The following SLC3A1 variants were observed in gnomAD, a reference collection of about 807,000 sequenced individuals.
SLC3A1 encodes amino acid transporter heavy chain SLC3A1.
SLC3A1 carries 78 observed loss-of-function variants against 60.3 expected under a neutral mutation model. The observed-to-expected ratio is 1.29, with a 90% CI of 1.08 to 1.56. The LOEUF is 1.56. SLC3A1 is among the 40% of genes most tolerant of loss of function. SLC3A1 has a pLI of 0.00. For missense variants in SLC3A1, 1,172 were observed against 858.9 expected (o/e 1.36, Z -4.56); for synonymous variants, 392 against 307.9 (o/e 1.27, Z -2.86).
Position 44,280,773 on chromosome 2 carries a change from C to G in SLC3A1, c.488C>G (p.Thr163Ser). Residue 163 changes from threonine (T) to serine (S), a missense_variant, in exon 2 of 10, where the codon ACT (threonine) becomes AGT (serine). Transcript: ENST00000260649. Reference sequence around the variant, plus strand: ...TTAAATATAAAAACTGTTTGGATTACTTCATTTTATAAATCGTCCCTTAAA... The same window carrying G: ...TTAAATATAAAAACTGTTTGGATTAGTTCATTTTATAAATCGTCCCTTAAA... ...TALNIKTVWI[T>S]SFYKSSLKDF... 1 of 1,611,738 alleles carries G rather than the reference C, an allele frequency of 6.2e-7. No individual in the cohort carries two copies. Among genetic ancestry groups the G allele is most frequent in the Non-Finnish European group, 8.5e-7 (1 of 1,177,882 alleles).
intron 1 of SLC3A1, among the ~76,000 whole-genome samples, chr2:44,279,654 T>C (rs1010746383): frequency 6.6e-6 from 1 of 152,210 alleles, no homozygotes; most frequent in African/African-American, 2.4e-5. Context: ...GCAGGTGAAA[T>C]TAATTTTCAT....
chr2:44,283,872 T>C (rs1671552511), intron 3 of SLC3A1, among the ~76,000 whole-genome samples: 1 of 152,114 alleles, frequency 6.6e-6, no homozygotes, highest in African/African-American at 2.4e-5. Context: ...TATAGTCTTC[T>C]TAACTAACTT....
chr2:44,305,235 C>G (rs1181346376), intron 7 of SLC3A1, among the ~76,000 whole-genome samples: 1 of 152,078 alleles, frequency 6.6e-6, no homozygotes, highest in Non-Finnish European at 1.5e-5. Context: ...CTTCCACACC[C>G]ATCAGGGTTG....
At chr2:44,316,677 T>C (rs1167567515) in intron 9 of SLC3A1, among the ~76,000 whole-genome samples, 3 of 152,084 alleles carry the variant, frequency 2.0e-5, no homozygotes, top group African/African-American at 2.4e-5. Context: ...TGAAAATAGA[T>C]TGCCTGAGAA....
At chr2:44,304,044 C>A in intron 6 of SLC3A1, 99 bp from the exon 7 acceptor site, 1 of 896,524 alleles carries the variant, frequency 1.1e-6, no homozygotes, top group Non-Finnish European at 1.9e-6. Context: ...AGTGTGCATT[C>A]AGCCCCTACA....
intron 4 of SLC3A1, among the ~76,000 whole-genome samples, chr2:44,292,034 T>C (rs773555436): frequency 1.4e-4 from 21 of 152,224 alleles, no homozygotes; most frequent in Middle Eastern, 6.8e-3. Context: ...ATCACTTTGG[T>C]TTTTACTGGT....
intron 7 of SLC3A1, among the ~76,000 whole-genome samples, chr2:44,304,988 A>C (rs1672117712): frequency 1.3e-5 from 2 of 151,700 alleles, no homozygotes; most frequent in East Asian, 3.9e-4. Flanking sequence ...TGGCTGGCTA[A>C]TTATTTTTGT....
chr2:44,307,982 A>G (rs1165665158), intron 7 of SLC3A1, among the ~76,000 whole-genome samples: 1 of 152,144 alleles, frequency 6.6e-6, no homozygotes, highest in African/African-American at 2.4e-5. Flanking sequence ...TTGAAAAATC[A>G]ACTGATTGTA....
Position 44,320,871 on chromosome 2 carries a change from G to A in SLC3A1, c.*232G>A. On this transcript the variant is annotated 3_prime_UTR_variant, in exon 10 of 10. Transcript: ENST00000260649. ...AACTTTATTCAGATAGCATCAATCAGGGATGACCAGAACACATTAGGACCC... is the reference window on the plus strand; with the variant it reads ...AACTTTATTCAGATAGCATCAATCAAGGATGACCAGAACACATTAGGACCC... The A allele has an allele frequency of 1.8e-6, 1 of 547,236 alleles. No individual in the cohort carries two copies. The highest frequency in any genetic ancestry group is 2.1e-5 in the South Asian group (1 of 48,162). 33.9% of individuals were successfully genotyped at this position (547,236 alleles called of 1,614,324 possible).
chr2:44,299,898 G>C (rs1478514484), intron 4 of SLC3A1, 73 bp from the exon 5 acceptor site: 2 of 1,515,956 alleles, frequency 1.3e-6, no homozygotes, highest in Admixed American at 1.7e-5. Flanking sequence ...GTTGTTAACA[G>C]TCAAAACTTT....
chr2:44,299,916 C>T (rs775677053), intron 4 of SLC3A1, 55 bp from the exon 5 acceptor site: 85 of 1,591,308 alleles, frequency 5.3e-5, no homozygotes, highest in Non-Finnish European at 7.2e-5. Context: ...TTTGATTAAA[C>T]GTTGTGATAA....
chr2:44,309,963 C>T (rs1188791776), intron 7 of SLC3A1, among the ~76,000 whole-genome samples: 1 of 151,904 alleles, frequency 6.6e-6, no homozygotes, highest in African/African-American at 2.4e-5. Context: ...GTGAACATGG[C>T]TCACTGCAGC....
At chr2:44,281,306 T>C (rs1671494456) in intron 2 of SLC3A1, 81 bp from the exon 3 acceptor site, 3 of 1,249,938 alleles carry the variant, frequency 2.4e-6, no homozygotes, top group Non-Finnish European at 1.2e-6. Context: ...TTACAGGCGT[T>C]AGCCATTACT....
Position 44,320,247 on chromosome 2 carries a change from A to G in SLC3A1, c.1666A>G (p.Ser556Gly), listed in dbSNP as rs571890902. Reference protein sequence around the residue: ...RSALKLYQDLSLLHANELLLN... With the variant: ...RSALKLYQDLGLLHANELLLN... ...GGCTTTGAAGTTATATCAAGATTTAAGTCTACTTCATGCCAATGAGCTACT... is the reference window on the plus strand; with the variant it reads ...GGCTTTGAAGTTATATCAAGATTTAGGTCTACTTCATGCCAATGAGCTACT... The change falls in exon 10 of 10, where the codon AGT (serine) becomes GGT (glycine). Residue 556 changes from serine (S) to glycine (G), a missense_variant. Coordinates refer to ENST00000260649, the MANE Select transcript of SLC3A1 (RefSeq NM_000341.4). The G allele has an allele frequency of 6.2e-7, 1 of 1,614,086 alleles. No individual in the cohort carries two copies. Among genetic ancestry groups the G allele is most frequent in the South Asian group, 1.1e-5 (1 of 91,080 alleles).
At chr2:44,302,578 C>CT (rs1347373096) in intron 6 of SLC3A1, among the ~76,000 whole-genome samples, 1 of 152,340 alleles carries the variant, frequency 6.6e-6, no homozygotes, top group South Asian at 2.1e-4. Flanking sequence ...AGACCATGCA[C>CT]TTATCCATAA....
At chr2:44,285,857 A>T in intron 3 of SLC3A1, 175 bp from the exon 4 acceptor site, 3 of 783,134 alleles carry the variant, frequency 3.8e-6, no homozygotes, top group Non-Finnish European at 6.8e-6. Context: ...GTGAGGCATT[A>T]GGCCAATGGG....
chr2:44,307,823 T>A (rs1672195896), intron 7 of SLC3A1, among the ~76,000 whole-genome samples: 1 of 152,180 alleles, frequency 6.6e-6, no homozygotes, highest in Non-Finnish European at 1.5e-5. Flanking sequence ...GCACAGAAGT[T>A]TTTAATTTTT....
Position 44,313,928 on chromosome 2 carries a change from G to C in SLC3A1, c.1594G>C (p.Asp532His), listed in dbSNP as rs776036049. The change falls in exon 9 of 10, where the codon GAT becomes CAT. Residue 532 changes from aspartate to histidine, a missense_variant. Physicochemically the swap from Asp to His is moderately conservative, Grantham distance 81. Coordinates refer to ENST00000260649, the MANE Select transcript of SLC3A1 (RefSeq NM_000341.4). Reference protein sequence around the residue: ...ASNTWLPTNSDYHTVNVDVQK... With the variant: ...ASNTWLPTNSHYHTVNVDVQK... ...TAACACCTGGTTACCTACCAATTCA[G>C]ATTACCACACTGTGAATGTTGATGT... 1 of 1,614,092 alleles carries C rather than the reference G, an allele frequency of 6.2e-7. No individual in the cohort carries two copies. Among genetic ancestry groups the C allele is most frequent in the Non-Finnish European group, 8.5e-7 (1 of 1,179,992 alleles).
chr2:44,314,080 G>A, intron 9 of SLC3A1, 129 bp downstream of exon 9: 1 of 1,549,178 alleles, frequency 6.5e-7, no homozygotes, highest in Non-Finnish European at 8.7e-7. Context: ...AGACTTCCTT[G>A]CAGTTTTCCA....
Sources: allele counts gnomAD v4.1 joint callset (sites outside exome capture counted in the v4.1 genomes callset), GRCh38; gene constraint gnomAD v4.1.1; transcripts MANE v1.5; gene names NCBI Gene and HGNC (gene_info 2026-07-23, HGNC 2026-07-21).